Variants in DMD observed in about 807,000 individuals in gnomAD.
DMD encodes the protein dystrophin.
DMD carries 63 observed loss-of-function variants against 330.1 expected under a neutral mutation model. The observed-to-expected ratio is 0.19, with a 90% CI of 0.16 to 0.24. DMD has a LOEUF of 0.24. Among genes scored for constraint, DMD ranks in the 10% least tolerant of loss-of-function variants. The probability of loss-of-function intolerance (pLI) is 1.00; values close to 1 mark genes in which losing one functional copy is unlikely to be tolerated. For synonymous variants in DMD, 1,223 were observed against 959.8 expected (o/e 1.27, Z -5.07); for missense variants, 3,344 against 2,684.1 (o/e 1.25, Z -5.43).
chrX:31,289,929 ATTATTATTT>A (rs1193127148), intron 62 of DMD, among the ~76,000 whole-genome samples: 2 of 96,009 alleles, frequency 2.1e-5, no homozygotes, highest in African/African-American at 8.0e-5. Context: ...TATTATTATT[ATTATTATTT>A]GAGACAGAGT....
chrX:33,013,970 A>G (rs192523640), intron 2 of DMD, among the ~76,000 whole-genome samples: 15 of 112,463 alleles, frequency 1.3e-4, no homozygotes, highest in Admixed American at 5.7e-4. Context: ...CAAAACCATA[A>G]TCAATAAAGA....
At chrX:32,640,027 C>A (rs1246941122) in intron 11 of DMD, among the ~76,000 whole-genome samples, 2 of 109,118 alleles carry the variant, frequency 1.8e-5, no homozygotes, top group Non-Finnish European at 3.8e-5. Flanking sequence ...CATAACAAGA[C>A]CTCATTCCCT....
At chrX:31,908,198 G>A (rs935257019) in intron 47 of DMD, among the ~76,000 whole-genome samples, 13 of 111,641 alleles carry the variant, frequency 1.2e-4, no homozygotes, top group Non-Finnish European at 1.7e-4. Flanking sequence ...CATTTGACCC[G>A]GCCATCCCAT....
intron 60 of DMD, among the ~76,000 whole-genome samples, chrX:31,386,881 C>T (rs2060471536): frequency 9.0e-6 from 1 of 111,489 alleles, no homozygotes; most frequent in Non-Finnish European, 1.9e-5. Context: ...TCCTGAGCTG[C>T]TTCCTTAAGG....
chrX:32,957,117 G>A (rs2091640151), intron 2 of DMD, among the ~76,000 whole-genome samples: 1 of 111,293 alleles, frequency 9.0e-6, no homozygotes, highest in African/African-American at 3.3e-5. Flanking sequence ...TACAGATTTG[G>A]TCTGATGAAC....
At chrX:32,882,015 C>CA (rs1308813795) in intron 2 of DMD, among the ~76,000 whole-genome samples, 2 of 112,192 alleles carry the variant, frequency 1.8e-5, no homozygotes, top group African/African-American at 6.5e-5. Context: ...TTCATGCCTG[C>CA]AGCAGCACTT....
chrX:32,501,023 C>T (rs2044000097), intron 19 of DMD, among the ~76,000 whole-genome samples: 1 of 111,875 alleles, frequency 8.9e-6, no homozygotes, highest in Non-Finnish European at 1.9e-5. Flanking sequence ...AGCATTATCC[C>T]TGATTTTCGT....
At chrX:31,308,401 C>T (rs973027880) in intron 62 of DMD, among the ~76,000 whole-genome samples, 1 of 111,395 alleles carries the variant, frequency 9.0e-6, no homozygotes, top group Non-Finnish European at 1.9e-5. Context: ...CAATCAACCC[C>T]ATCAACACTC....
At chrX:32,482,715 T>G (rs1289138957) in intron 21 of DMD, among the ~76,000 whole-genome samples, 1 of 111,802 alleles carries the variant, frequency 8.9e-6, no homozygotes, top group African/African-American at 3.2e-5. Flanking sequence ...AAATACTCAA[T>G]GTGTTTCTCT....
chrX:33,131,899 T>C (rs1383071719), intron 1 of DMD, among the ~76,000 whole-genome samples: 1 of 112,344 alleles, frequency 8.9e-6, no homozygotes, highest in Non-Finnish European at 1.9e-5. Flanking sequence ...GTAAGACATT[T>C]AATATATGCC....
chrX:31,447,483 T>A (rs764880823), intron 59 of DMD, among the ~76,000 whole-genome samples: 4 of 110,385 alleles, frequency 3.6e-5, no homozygotes, highest in Non-Finnish European at 7.6e-5. Flanking sequence ...AACCGTCAGT[T>A]GTGTGTATGT....
intron 50 of DMD, among the ~76,000 whole-genome samples, chrX:31,805,633 T>C (rs1304224525): frequency 8.9e-6 from 1 of 112,025 alleles, no homozygotes; most frequent in African/African-American, 3.2e-5. Context: ...CTACTACTCA[T>C]CATTTTTTCA....
chrX:32,689,910 A>G (rs957318687), intron 9 of DMD, among the ~76,000 whole-genome samples: 8 of 111,020 alleles, frequency 7.2e-5, no homozygotes, highest in African/African-American at 2.3e-4. Context: ...AATTGCTTCA[A>G]TGTAAAAGCC....
chrX:31,407,049 T>A (rs2061425358), intron 60 of DMD, among the ~76,000 whole-genome samples: 1 of 112,693 alleles, frequency 8.9e-6, no homozygotes, highest in Non-Finnish European at 1.9e-5. Context: ...TCAGAAGTTC[T>A]TGAACTCTGC....
At chrX:33,079,422 C>T (rs762059751) in intron 1 of DMD, among the ~76,000 whole-genome samples, 2 of 111,715 alleles carry the variant, frequency 1.8e-5, no homozygotes, top group Admixed American at 9.6e-5. Flanking sequence ...AAATTTGTTA[C>T]CTCTGTGGCA....
intron 44 of DMD, among the ~76,000 whole-genome samples, chrX:32,078,401 C>T (rs930323475): frequency 8.9e-6 from 1 of 111,905 alleles, no homozygotes; most frequent in Non-Finnish European, 1.9e-5. Context: ...TCTTTTTATT[C>T]CACTTTCACC....
chrX:32,995,030 T>C (rs1361006389), intron 2 of DMD, among the ~76,000 whole-genome samples: 3 of 111,532 alleles, frequency 2.7e-5, no homozygotes, highest in Admixed American at 9.6e-5. Flanking sequence ...GAGGATGGCT[T>C]GGAGGTCAAG....
rs767918822 is a variant in DMD, at chrX:32,036,192, G to GT, written c.6439-67679dup. ...AGAAAATGAACACATTCAGATTTTT[G>GT]TTTTTTAAAAAATTACTCTAGCTTT... On this transcript the variant is annotated intron_variant, in intron 44 of 78. Transcript: ENST00000357033. Among the ~76,000 whole-genome samples, 551 of 111,608 alleles carry GT rather than the reference G, an allele frequency of 4.9e-3. 5 individuals are homozygous for GT. Among genetic ancestry groups the GT allele is most frequent in the African/African-American group, 0.017 (516 of 30,786 alleles).
intron 44 of DMD, among the ~76,000 whole-genome samples, chrX:31,972,451 A>G (rs1162563873): frequency 1.8e-5 from 2 of 111,968 alleles, no homozygotes; most frequent in African/African-American, 6.5e-5. Flanking sequence ...ATGAAAACAC[A>G]ATAGATGAAA....
Sources: allele counts gnomAD v4.1 joint callset (sites outside exome capture counted in the v4.1 genomes callset), GRCh38; gene constraint gnomAD v4.1.1; transcripts MANE v1.5; gene names NCBI Gene and HGNC (gene_info 2026-07-23, HGNC 2026-07-21).